SCIN: variants seen among roughly 807,000 people sequenced by gnomAD.
SCIN encodes scinderin, also known as adseverin.
Under a neutral mutation model 91.8 loss-of-function variants are expected in SCIN, and 91 were observed. The observed-to-expected ratio is 0.99, with a 90% CI of 0.84 to 1.18. The LOEUF (loss-of-function observed/expected upper bound fraction) is 1.18, where lower values mean the gene tolerates loss of function less well. SCIN is among the 50% of genes most tolerant of loss of function. The probability of loss-of-function intolerance (pLI) is 0.00; values close to 1 mark genes in which losing one functional copy is unlikely to be tolerated. For synonymous variants in SCIN, 367 were observed against 312.6 expected (o/e 1.17, Z -1.84); for missense variants, 1,087 against 863.9 (o/e 1.26, Z -3.24).
At chr7:12,600,641 T>C (rs1012129824) in intron 3 of SCIN, among the ~76,000 whole-genome samples, 1 of 152,230 alleles carries the variant, frequency 6.6e-6, no homozygotes, top group African/African-American at 2.4e-5. Context: ...CAGAAAAGTC[T>C]ACTGAGTTGC....
rs564304391 is a variant in SCIN, at chr7:12,591,032, G to A, written c.516+9811G>A. ...GAAACAACTGCATATCCAGCAATCT[G>A]GGGGGTAGCTGGTGGGCCTGGAAGA... On this transcript the variant is annotated intron_variant, in intron 3 of 15. Transcript: ENST00000297029. Among the ~76,000 whole-genome samples, 3 of 152,170 alleles carry A rather than the reference G, an allele frequency of 2.0e-5. No individual in the cohort carries two copies. The South Asian group carries it at 6.2e-4, about 32-fold the overall frequency.
At chr7:12,636,598 AAACTAGGG>A (rs1237733902) in intron 10 of SCIN, among the ~76,000 whole-genome samples, 3 of 152,154 alleles carry the variant, frequency 2.0e-5, no homozygotes, top group Non-Finnish European at 4.4e-5. Context: ...AGCAGATCTT[AAACTAGGG>A]AGATTATCTG....
At chr7:12,635,955 T>C (rs888913086) in intron 9 of SCIN, 90 bp from the exon 10 acceptor site, 1 of 914,232 alleles carries the variant, frequency 1.1e-6, no homozygotes, top group Admixed American at 2.0e-5. Flanking sequence ...TCTTGATCTT[T>C]CATAATAACT....
chr7:12,575,093 G>A (rs1782342263), intron 1 of SCIN, among the ~76,000 whole-genome samples: 1 of 152,096 alleles, frequency 6.6e-6, no homozygotes, highest in Non-Finnish European at 1.5e-5. Flanking sequence ...TTTCTTTGGA[G>A]TGATTGTCAA....
chr7:12,592,931 G>A (rs1358461028), intron 3 of SCIN, among the ~76,000 whole-genome samples: 2 of 152,176 alleles, frequency 1.3e-5, no homozygotes, highest in Non-Finnish European at 1.5e-5. Flanking sequence ...TGGGGGCCGG[G>A]AGCCGGGGCC....
intron 4 of SCIN, among the ~76,000 whole-genome samples, chr7:12,613,973 A>C (rs1783248014): frequency 6.6e-6 from 1 of 152,230 alleles, no homozygotes; most frequent in South Asian, 2.1e-4. Context: ...AAGTGAAGTC[A>C]TGTACCATGT....
At chr7:12,597,972 T>A (rs534544556) in intron 3 of SCIN, among the ~76,000 whole-genome samples, 1 of 152,342 alleles carries the variant, frequency 6.6e-6, no homozygotes, top group East Asian at 1.9e-4. Flanking sequence ...AGGGCTTTTT[T>A]AAACATTGCT....
At chr7:12,634,415 G>A (rs1187636233) in intron 9 of SCIN, among the ~76,000 whole-genome samples, 1 of 151,844 alleles carries the variant, frequency 6.6e-6, no homozygotes, top group Non-Finnish European at 1.5e-5. Context: ...AACCCAGGAG[G>A]CGGAGACTGT....
intron 3 of SCIN, among the ~76,000 whole-genome samples, chr7:12,592,479 C>G (rs544890481): frequency 6.6e-6 from 1 of 151,908 alleles, no homozygotes; most frequent in South Asian, 2.1e-4. Context: ...TTGGAAGAGT[C>G]TTTTAACTGG....
At chr7:12,648,957 T>C (rs1045650126) in intron 13 of SCIN, among the ~76,000 whole-genome samples, 13 of 152,204 alleles carry the variant, frequency 8.5e-5, no homozygotes, top group African/African-American at 3.1e-4. Flanking sequence ...AGCAGGATTA[T>C]GTAATTTTTT....
At chr7:12,587,471 G>C (rs1782611872) in intron 3 of SCIN, among the ~76,000 whole-genome samples, 1 of 152,208 alleles carries the variant, frequency 6.6e-6, no homozygotes, top group East Asian at 1.9e-4. Flanking sequence ...TTTGGCCTCT[G>C]TTCCCCAGAC....
chr7:12,622,849 A>T lies in SCIN; in HGVS notation c.715A>T (p.Ile239Phe). 1 of 1,613,280 alleles carries T rather than the reference A, an allele frequency of 6.2e-7. No homozygotes were observed. Residue 239 changes from isoleucine (I) to phenylalanine (F), a missense_variant, in exon 5 of 16, where the codon ATT becomes TTT. Coordinates refer to ENST00000297029, the MANE Select transcript of SCIN (RefSeq NM_001112706.3). ...ELPDGGDDDDIIADISNRKMA... is the reference protein window; with the variant it reads ...ELPDGGDDDDFIADISNRKMA... ...TCCAGATGGAGGTGATGATGATGAC[A>T]TTATAGCAGACATAAGTAACAGGAA... is the stretch of plus-strand genomic sequence containing the variant.
At chr7:12,620,229 T>C (rs538996870) in intron 4 of SCIN, among the ~76,000 whole-genome samples, 8 of 152,224 alleles carry the variant, frequency 5.3e-5, no homozygotes, top group African/African-American at 1.4e-4. Context: ...ATATCTTCTC[T>C]CTTAGCAAAT....
chr7:12,604,521 A>T lies in SCIN; in HGVS notation c.524A>T (p.Tyr175Phe), dbSNP rs1783030555. 1 of 1,551,472 alleles carries T rather than the reference A, an allele frequency of 6.4e-7. No individual in the cohort carries two copies. Among genetic ancestry groups the T allele is most frequent in the Admixed American group, 2.0e-5 (1 of 50,968 alleles). The change falls in exon 4 of 16, where the codon TAT becomes TTT. Residue 175 changes from tyrosine (Y) to phenylalanine (F), a missense_variant. Physicochemically the swap from Tyr to Phe is conservative, Grantham distance 22 (BLOSUM62 3). Transcript: ENST00000297029. ...CFIIDLGTEI[Y>F]QWCGSSCNKY... is the part of the protein sequence containing the mutation. Reference sequence around the variant, plus strand: ...TCTGTCTCTTTCTTTTAGGAAATTTATCAGTGGTGTGGTTCCTCGTGCAAC... The same window carrying T: ...TCTGTCTCTTTCTTTTAGGAAATTTTTCAGTGGTGTGGTTCCTCGTGCAAC...
intron 1 of SCIN, chr7:12,571,662 A>G (rs759431519): frequency 6.9e-6 from 3 of 437,182 alleles, no homozygotes; most frequent in Non-Finnish European, 9.2e-6. Flanking sequence ...ATACAAATAA[A>G]TAGCTCTATA....
chr7:12,630,484 T>C (rs140483254), intron 9 of SCIN, among the ~76,000 whole-genome samples: 1 of 152,168 alleles, frequency 6.6e-6, no homozygotes, highest in Non-Finnish European at 1.5e-5. Context: ...TAAATCAAAA[T>C]CTCAGCTGGG....
rs760154008 is a variant in SCIN, at chr7:12,624,992, T to C, written c.760-18T>C. On this transcript the variant is annotated intron_variant, in intron 5 of 15. Transcript: ENST00000297029. ...TCATCCCCAAATGAAAACATGGAGG[T>C]CATGGTTTTTATATTAGGTTTCAGA... is the stretch of plus-strand genomic sequence containing the variant. The C allele has an allele frequency of 1.8e-5, 28 of 1,548,774 alleles. No homozygotes were observed. In the East Asian group the frequency reaches 5.9e-4, roughly 32 times the overall value.
At chr7:12,573,348 A>T (rs1159520800) in intron 1 of SCIN, among the ~76,000 whole-genome samples, 1 of 152,182 alleles carries the variant, frequency 6.6e-6, no homozygotes, top group Non-Finnish European at 1.5e-5. Context: ...CATAGCATAG[A>T]AATGAAGAAA....
intron 4 of SCIN, among the ~76,000 whole-genome samples, chr7:12,610,276 C>T (rs1783164407): frequency 2.0e-5 from 3 of 152,142 alleles, no homozygotes; most frequent in South Asian, 4.1e-4. Context: ...GGGATATTTA[C>T]CCTATGCTGA....
Sources: allele counts gnomAD v4.1 joint callset (sites outside exome capture counted in the v4.1 genomes callset), GRCh38; gene constraint gnomAD v4.1.1; transcripts MANE v1.5; gene names NCBI Gene and HGNC (gene_info 2026-07-23, HGNC 2026-07-21).